Variants in FAM185A observed in about 807,000 individuals in gnomAD.
The protein encoded by FAM185A is family with sequence similarity 185 member A.
Under a neutral mutation model 45.7 loss-of-function variants are expected in FAM185A, and 21 were observed. The ratio of observed to expected loss-of-function variants is 0.46; its 90% CI spans 0.33 to 0.66. The LOEUF is 0.66. FAM185A is among the 30% of genes least tolerant of loss of function. The probability of loss-of-function intolerance (pLI) is 0.03; values close to 1 mark genes in which losing one functional copy is unlikely to be tolerated. For synonymous variants in FAM185A, 117 were observed against 194.0 expected (o/e 0.60, Z 3.30); for missense variants, 305 against 485.4 (o/e 0.63, Z 3.49).
chr7:102,817,329 A>T, the FAM185A span, among the ~76,000 whole-genome samples: 1 of 151,972 alleles, frequency 6.6e-6, no homozygotes, highest in Admixed American at 6.6e-5. Flanking sequence ...CTTCATTGTG[A>T]TGGTAATTTT....
At chr7:102,778,805 G>C (rs1230700448) in intron 6 of FAM185A, among the ~76,000 whole-genome samples, 2 of 152,318 alleles carry the variant, frequency 1.3e-5, no homozygotes, top group Non-Finnish European at 2.9e-5. Context: ...CTTGGTAAGA[G>C]TAACTTTTTA....
Position 102,802,177 on chromosome 7 carries a change from T to C in FAM185A, c.1067-6113T>C, listed in dbSNP as rs144512968. On this transcript the variant is annotated intron_variant, in intron 7 of 7. Transcript: ENST00000413034. ...AGAAAAAATGGATTTAAACTATACC[T>C]TGGAACAAATGGACTTAACAGATAT... 6.6e-3 allele frequency among the ~76,000 whole-genome samples: 1,002 copies of C among 152,280 alleles called. 9 individuals are homozygous for C. Among genetic ancestry groups the C allele is most frequent in the African/African-American group, 0.023 (947 of 41,540 alleles).
intron 7 of FAM185A, 141 bp downstream of exon 7, chr7:102,787,610 T>C: frequency 1.1e-6 from 1 of 877,898 alleles, no homozygotes; most frequent in Non-Finnish European, 1.6e-6. Context: ...TTTTTTCTTC[T>C]AGTTGCTTAT....
At chr7:102,749,764 A>C in intron 1 of FAM185A, 106 bp downstream of exon 1, 2 of 1,457,598 alleles carry the variant, frequency 1.4e-6, no homozygotes, top group Non-Finnish European at 1.8e-6. Context: ...CTCTAAACCT[A>C]ATTTACAGTT....
chr7:102,812,336 G>A (rs939782083), downstream of FAM185A, among the ~76,000 whole-genome samples: 4 of 152,182 alleles, frequency 2.6e-5, no homozygotes, highest in African/African-American at 9.7e-5. Flanking sequence ...AATTGAGGGA[G>A]CATCTTTTTT....
At chr7:102,792,777 C>A (rs940157075) in intron 7 of FAM185A, among the ~76,000 whole-genome samples, 13 of 148,758 alleles carry the variant, frequency 8.7e-5, no homozygotes, top group African/African-American at 2.7e-4. Context: ...TAAAAATAAA[C>A]CACCAAGTCA....
At chr7:102,824,037 T>G in the FAM185A span, among the ~76,000 whole-genome samples, 1 of 152,088 alleles carries the variant, frequency 6.6e-6, no homozygotes, top group Non-Finnish European at 1.5e-5. Flanking sequence ...GAGTTCAGAG[T>G]AGCAGGTTTG....
At chr7:102,842,373 T>C in the FAM185A span, among the ~76,000 whole-genome samples, 1 of 152,172 alleles carries the variant, frequency 6.6e-6, no homozygotes, top group African/African-American at 2.4e-5. Flanking sequence ...TAAAAAAAAA[T>C]GTTGCTACAT....
At chr7:102,848,555 C>CA in the FAM185A span, among the ~76,000 whole-genome samples, 1 of 1,828 alleles carries the variant, frequency 5.5e-4, no homozygotes, top group African/African-American at 6.3e-3. Flanking sequence ...GACTCCGTCT[C>CA]AAAAAAAAAA....
At chr7:102,753,860 A>T (rs1584269908) in intron 2 of FAM185A, among the ~76,000 whole-genome samples, 1 of 152,208 alleles carries the variant, frequency 6.6e-6, no homozygotes, top group African/African-American at 2.4e-5. Context: ...CTATTTTTTT[A>T]AAAGTAAGTA....
At chr7:102,782,866 A>C (rs1162806389) in intron 6 of FAM185A, among the ~76,000 whole-genome samples, 4 of 151,968 alleles carry the variant, frequency 2.6e-5, no homozygotes, top group African/African-American at 4.8e-5. Flanking sequence ...AAATTGGATA[A>C]AGACTCAAGA....
At chr7:102,831,445 A>T in the FAM185A span, among the ~76,000 whole-genome samples, 1 of 150,562 alleles carries the variant, frequency 6.6e-6, no homozygotes, top group Non-Finnish European at 1.5e-5. Context: ...CACTACAGAG[A>T]GTTATCTTGT....
the FAM185A span, among the ~76,000 whole-genome samples, chr7:102,825,636 AT>A: frequency 7.2e-5 from 11 of 152,218 alleles, no homozygotes; most frequent in African/African-American, 2.4e-4. Flanking sequence ...TCACAAAAGG[AT>A]TATACCCATC....
the FAM185A span, among the ~76,000 whole-genome samples, chr7:102,828,279 T>A: frequency 6.6e-6 from 1 of 152,074 alleles, no homozygotes; most frequent in Non-Finnish European, 1.5e-5. Flanking sequence ...TTTGTAGTTC[T>A]CCTTGAAGAG....
chr7:102,798,569 G>A (rs1307714579), intron 7 of FAM185A, among the ~76,000 whole-genome samples: 1 of 152,058 alleles, frequency 6.6e-6, no homozygotes, highest in African/African-American at 2.4e-5. Flanking sequence ...TATTATTGGG[G>A]AGGTGATAAA....
chr7:102,786,782 A>G (rs1193922180), intron 6 of FAM185A, among the ~76,000 whole-genome samples: 1 of 151,982 alleles, frequency 6.6e-6, no homozygotes, highest in Non-Finnish European at 1.5e-5. Flanking sequence ...TACATATGTA[A>G]CTAACCTGCA....
chr7:102,825,754 A>T, the FAM185A span, among the ~76,000 whole-genome samples: 1 of 152,214 alleles, frequency 6.6e-6, no homozygotes, highest in South Asian at 2.1e-4. Context: ...TGATACCTCA[A>T]ATAATAATGT....
At chr7:102,789,636 G>A (rs945135544) in intron 7 of FAM185A, among the ~76,000 whole-genome samples, 2 of 152,296 alleles carry the variant, frequency 1.3e-5, no homozygotes, top group African/African-American at 4.8e-5. Flanking sequence ...TTGAACCCAG[G>A]AGGCAGAGGG....
At chr7:102,804,950 C>T (rs1252013262) in intron 7 of FAM185A, among the ~76,000 whole-genome samples, 1 of 152,180 alleles carries the variant, frequency 6.6e-6, no homozygotes, top group Non-Finnish European at 1.5e-5. Context: ...CACTAATGAT[C>T]AGGGAAATGC....
Sources: gnomAD v4.1 joint callset for allele counts (sites outside exome capture counted in the v4.1 genomes callset) on GRCh38, gnomAD v4.1.1 for gene constraint, MANE v1.5 for transcripts, NCBI Gene and HGNC (gene_info 2026-07-23, HGNC 2026-07-21) for gene names.